The following RASSF9 variants were observed in gnomAD, a reference collection of about 807,000 sequenced individuals.
The protein encoded by RASSF9 is ras association domain-containing protein 9.
In RASSF9, 18 loss-of-function variants were observed where a neutral mutation model predicts 21.4. The observed-to-expected ratio is 0.84, with a 90% CI of 0.58 to 1.25. The LOEUF (loss-of-function observed/expected upper bound fraction) is 1.25, where lower values mean the gene tolerates loss of function less well. RASSF9 is among the 50% of genes most tolerant of loss of function. The pLI, the probability that RASSF9 is intolerant of heterozygous loss-of-function variation, is 0.00. For synonymous variants in RASSF9, 183 were observed against 179.1 expected (o/e 1.02, Z -0.18); for missense variants, 480 against 503.2 (o/e 0.95, Z 0.44).
At chr12:85,818,701 C>T (rs1375818789) in intron 1 of RASSF9, among the ~76,000 whole-genome samples, 1 of 152,120 alleles carries the variant, frequency 6.6e-6, no homozygotes, top group East Asian at 1.9e-4. Flanking sequence ...TGGCTCACGT[C>T]TGTAATCCCA....
Position 85,804,890 on chromosome 12 carries a change from C to T in RASSF9, c.1120G>A (p.Gly374Arg). ...FNSLHISNKD[G>R]CQLKENRAKE... ...GCTCTGTTTTCCTTTAACTGGCACC[C>T]ATCTTTGTTGCTAATGTGAAGTGAA... is the stretch of plus-strand genomic sequence containing the variant. Residue 374 changes from glycine (G) to arginine (R), a missense_variant, in exon 2 of 2, where the codon GGG (glycine) becomes AGG (arginine). Coordinates refer to ENST00000361228, the MANE Select transcript of RASSF9 (RefSeq NM_005447.4). 6.2e-7 allele frequency: 1 copy of T among 1,613,722 alleles called. No individual in the cohort carries two copies. Among genetic ancestry groups the T allele is most frequent in the Non-Finnish European group, 8.5e-7 (1 of 1,179,678 alleles).
rs188787119 is a variant in RASSF9 at position 85,833,241 on chromosome 12, C to T, written c.47+2914G>A. ...ACTTTTATATAATACCAGCTGATGT[C>T]ACATGATGAATAGAGAATAAAATAA... On this transcript the variant is annotated intron_variant, in intron 1 of 1. Transcript: ENST00000361228. 9.7e-3 allele frequency among the ~76,000 whole-genome samples: 1,469 copies of T among 151,902 alleles called. 8 individuals are homozygous for T. Among genetic ancestry groups the T allele is most frequent in the South Asian group, 0.015 (73 of 4,818 alleles).
intron 1 of RASSF9, among the ~76,000 whole-genome samples, chr12:85,820,941 C>A (rs898662565): frequency 6.6e-6 from 1 of 151,872 alleles, no homozygotes. Flanking sequence ...GTCAAGAGAT[C>A]CAGACCATCC....
At chr12:85,836,070 T>G in intron 1 of RASSF9, 85 bp downstream of exon 1, 7 of 1,543,860 alleles carry the variant, frequency 4.5e-6, no homozygotes, top group Non-Finnish European at 6.1e-6. Flanking sequence ...AAACACATAC[T>G]TTCACAGGTA....
chr12:85,834,648 G>C (rs918268298), intron 1 of RASSF9, among the ~76,000 whole-genome samples: 11 of 152,114 alleles, frequency 7.2e-5, no homozygotes, highest in Non-Finnish European at 1.5e-4. Flanking sequence ...TACAGGGATA[G>C]TATGCCAGAA....
chr12:85,828,923 A>G (rs150594332), intron 1 of RASSF9, among the ~76,000 whole-genome samples: 23 of 152,284 alleles, frequency 1.5e-4, no homozygotes, highest in African/African-American at 5.3e-4. Flanking sequence ...TGGTTTATCA[A>G]TAGAATCTCT....
chr12:85,818,956 CAAAAAAAAAAAA>C (rs60760019), intron 1 of RASSF9, among the ~76,000 whole-genome samples: 2 of 66,608 alleles, frequency 3.0e-5, no homozygotes, highest in Admixed American at 3.8e-4. Context: ...GAGACTCCGT[CAAAAAAAAAAAA>C]AAAAAAAAAA....
chr12:85,826,164 T>G (rs996431528), intron 1 of RASSF9, among the ~76,000 whole-genome samples: 13 of 152,152 alleles, frequency 8.5e-5, no homozygotes, highest in Admixed American at 1.3e-4. Context: ...CACCTTAATT[T>G]TCTTCACTCT....
chr12:85,831,468 C>T (rs1035024140), intron 1 of RASSF9, among the ~76,000 whole-genome samples: 5 of 152,018 alleles, frequency 3.3e-5, no homozygotes, highest in African/African-American at 1.2e-4. Flanking sequence ...TAACCTAGAG[C>T]TCAATTTTAC....
rs182354370 is a variant in RASSF9 at position 85,805,352 on chromosome 12, G to C, written c.658C>G (p.Leu220Val). 4 of 1,613,338 alleles carry C rather than the reference G, an allele frequency of 2.5e-6. No homozygotes were observed. The highest frequency in any genetic ancestry group is 3.4e-6 in the Non-Finnish European group (4 of 1,179,796). The change falls in exon 2 of 2, where the codon CTT becomes GTT. Residue 220 changes from leucine (L) to valine (V), a missense_variant. By Grantham distance (32) the Leu-to-Val change is conservative (BLOSUM62 1). Coordinates refer to ENST00000361228, the MANE Select transcript of RASSF9 (RefSeq NM_005447.4). ...TCTCCATCATTTTCTACTCGATCAA[G>C]ATGGAACTTAGCTTCACACTTTTCA... is the stretch of plus-strand genomic sequence containing the variant. ...EIEKCEAKFH[L>V]DRVENDGENY...
chr12:85,810,857 A>G (rs977767870), intron 1 of RASSF9, among the ~76,000 whole-genome samples: 13 of 151,940 alleles, frequency 8.6e-5, no homozygotes, highest in African/African-American at 2.7e-4. Flanking sequence ...CTAATGCAAC[A>G]GGGGATTGCA....
At position 85,805,928 on chromosome 12, in the gene RASSF9, C is replaced by T; in HGVS notation, c.82G>A (p.Glu28Lys). 4 of 1,612,842 alleles carry T rather than the reference C, an allele frequency of 2.5e-6. No homozygotes were observed. The highest frequency in any genetic ancestry group is 1.7e-5 in the Admixed American group (1 of 59,896). Residue 28 changes from glutamate (E) to lysine (K), a missense_variant, in exon 2 of 2, where the codon GAA becomes AAA. Physicochemically the swap from Glu to Lys is moderately conservative, Grantham distance 56. Coordinates refer to ENST00000361228, the MANE Select transcript of RASSF9 (RefSeq NM_005447.4). ...PTKDMDSEEK[E>K]IVVWVCQEEK... Reference sequence around the variant, plus strand: ...TCTTGGCAAACCCAAACCACAATTTCCTTCTCTTCTGAATCCATGTCTTTA... The same window carrying T: ...TCTTGGCAAACCCAAACCACAATTTTCTTCTCTTCTGAATCCATGTCTTTA...
At chr12:85,820,082 A>C (rs1161424960) in intron 1 of RASSF9, among the ~76,000 whole-genome samples, 1 of 152,216 alleles carries the variant, frequency 6.6e-6, no homozygotes, top group Non-Finnish European at 1.5e-5. Context: ...CATGCAGGCC[A>C]CCACCAGTTT....
chr12:85,833,123 G>T (rs1880486576), intron 1 of RASSF9, among the ~76,000 whole-genome samples: 1 of 151,944 alleles, frequency 6.6e-6, no homozygotes, highest in South Asian at 2.1e-4. Flanking sequence ...AGTAGGATAA[G>T]ATTAGGTTGG....
chr12:85,836,301 C>G lies in RASSF9; in HGVS notation c.-100G>C, dbSNP rs909906742. The stretch of plus-strand genomic sequence containing the variant: ...AGGGTGAAGGGAGGAGGGCTGGAAG[C>G]TTTCTCTTCTCCTCGGATGTTCCTG... On this transcript the variant is annotated 5_prime_UTR_variant, in exon 1 of 2. Coordinates refer to ENST00000361228, the MANE Select transcript of RASSF9 (RefSeq NM_005447.4). The G allele has an allele frequency of 2.0e-6, 3 of 1,537,392 alleles. No individual in the cohort carries two copies. Among genetic ancestry groups the G allele is most frequent in the Non-Finnish European group, 1.8e-6 (2 of 1,140,100 alleles).
chr12:85,826,506 G>A (rs1206839377), intron 1 of RASSF9, among the ~76,000 whole-genome samples: 1 of 147,982 alleles, frequency 6.8e-6, no homozygotes, highest in African/African-American at 2.5e-5. Context: ...AGAGTGCAGT[G>A]GCACGATTTC....
Position 85,802,535 on chromosome 12 carries a change from T to G in RASSF9, c.*2167A>C, listed in dbSNP as rs1592524657. The G allele has an allele frequency of 6.6e-6, 1 of 152,150 alleles. No individual in the cohort carries two copies. The highest frequency in any genetic ancestry group is 2.4e-5 in the African/African-American group (1 of 41,450). 9.4% of individuals were successfully genotyped at this position (152,150 alleles called of 1,614,324 possible). On this transcript the variant is annotated 3_prime_UTR_variant, in exon 2 of 2. Transcript: ENST00000361228. ...TGTAAAATGTAGAAGAATTGAGCCT[T>G]AAATGCATTACTGTGCTTAACTGTA...
chr12:85,813,931 T>C (rs1236828002), intron 1 of RASSF9, among the ~76,000 whole-genome samples: 1 of 152,036 alleles, frequency 6.6e-6, no homozygotes, highest in Non-Finnish European at 1.5e-5. Flanking sequence ...TAGGCCAGCC[T>C]GGAAAGTATA....
In RASSF9 at chr12:85,806,658, G is replaced by A. The variant is rs1371665821; in HGVS notation, c.48-696C>T. On this transcript the variant is annotated intron_variant, in intron 1 of 1. Coordinates refer to ENST00000361228, the MANE Select transcript of RASSF9 (RefSeq NM_005447.4). ...ACTGCACTCCAGCCTGGGCAACAGC[G>A]TGAGACTCCATCTCAAAAAAAAAAA... 3.4e-5 allele frequency among the ~76,000 whole-genome samples: 4 copies of A among 118,750 alleles called. No homozygotes were observed. The South Asian group carries it at 9.6e-4, about 29-fold the overall frequency. 77.9% of individuals were successfully genotyped at this position (118,750 alleles called of 152,430 possible).
Sources: gnomAD v4.1 joint callset for allele counts (sites outside exome capture counted in the v4.1 genomes callset) on GRCh38, gnomAD v4.1.1 for gene constraint, MANE v1.5 for transcripts, NCBI Gene and HGNC (gene_info 2026-07-23, HGNC 2026-07-21) for gene names.